Variants in MTHFD1L observed in about 807,000 individuals in gnomAD.
MTHFD1L encodes monofunctional C1-tetrahydrofolate synthase, mitochondrial.
A neutral mutation model predicts 119.5 loss-of-function variants in MTHFD1L; 81 were observed. That is an observed-to-expected ratio of 0.68 (90% CI 0.57 to 0.82). MTHFD1L has a LOEUF of 0.82. Among genes scored for constraint, MTHFD1L ranks in the 40% least tolerant of loss-of-function variants. The pLI, the probability that MTHFD1L is intolerant of heterozygous loss-of-function variation, is 0.00. For synonymous variants in MTHFD1L, 430 were observed against 475.2 expected, an observed-to-expected ratio of 0.90 and a Z score of 1.24; for missense variants, 1,125 against 1,253.4, an observed-to-expected ratio of 0.90 and a Z score of 1.55.
At chr6:151,097,500 G>A (rs893609284) in intron 27 of MTHFD1L, among the ~76,000 whole-genome samples, 3 of 152,102 alleles carry the variant, frequency 2.0e-5, no homozygotes, top group Non-Finnish European at 4.4e-5. Flanking sequence ...AGCTGGGCAC[G>A]GAAAGACTAA....
At position 150,926,180 on chromosome 6, in the gene MTHFD1L, A is replaced by T. The variant is rs775785100; in HGVS notation, c.1141A>T (p.Ile381Phe). ...PKAVDVLAKE[I>F]GLLADEIEIY... ...AGCTGTGGATGTCCTTGCCAAGGAG[A>T]TTGGATTGCTTGCAGATGAAATTGA... Residue 381 changes from isoleucine to phenylalanine, a missense_variant, in exon 11 of 28, where the codon ATT becomes TTT. Transcript: ENST00000367321. The surrounding 1 kb of genome is among the most constrained non-coding windows in gnomAD (Gnocchi z 4.3). 2.2e-5 allele frequency: 35 copies of T among 1,613,970 alleles called. No individual in the cohort carries two copies. The highest frequency in any genetic ancestry group is 1.3e-4 in the South Asian group (12 of 91,082).
chr6:150,922,083 GCTTATTGTGCGACTCGAT>G, intron 9 of MTHFD1L, 104 bp from the exon 10 acceptor site: 1 of 711,404 alleles, frequency 1.4e-6, no homozygotes, highest in South Asian at 1.9e-5. Flanking sequence ...TATCCTCCTG[GCTTATTGTGCGACTCGAT>G]AATCTTGTTT....
chr6:150,902,139 A>G (rs1416914877), intron 7 of MTHFD1L, among the ~76,000 whole-genome samples: 1 of 152,210 alleles, frequency 6.6e-6, no homozygotes, highest in African/African-American at 2.4e-5. Context: ...TATTTGCTAA[A>G]TACAAAATTA....
chr6:150,889,369 G>A (rs113116051), intron 7 of MTHFD1L, among the ~76,000 whole-genome samples: 26 of 152,246 alleles, frequency 1.7e-4, no homozygotes, highest in African/African-American at 4.1e-4. Flanking sequence ...AGAGGTTGGC[G>A]TTGGAAGGAT....
chr6:150,882,134 G>A lies in MTHFD1L; in HGVS notation c.418-628G>A, dbSNP rs546190129. ...TATTAGCTTCCCAAAATGTAGCTTGGTCTTTTTCCTAAATAGTGAATTATT... is the reference window on the plus strand; with the variant it reads ...TATTAGCTTCCCAAAATGTAGCTTGATCTTTTTCCTAAATAGTGAATTATT... On this transcript the variant is annotated intron_variant, in intron 4 of 27. Coordinates refer to ENST00000367321, the MANE Select transcript of MTHFD1L (RefSeq NM_015440.5). Among the ~76,000 whole-genome samples, 4 of 152,286 alleles carry A rather than the reference G, an allele frequency of 2.6e-5. 1 individual carries two copies. The East Asian group carries it at 7.7e-4, about 29-fold the overall frequency.
At chr6:151,036,597 G>A (rs767277910) in intron 25 of MTHFD1L, among the ~76,000 whole-genome samples, 13 of 152,206 alleles carry the variant, frequency 8.5e-5, no homozygotes, top group East Asian at 1.9e-4. Context: ...TCGTCGCAGA[G>A]CCTTTCTCCA....
chr6:151,091,782 G>T (rs892236209), intron 26 of MTHFD1L, among the ~76,000 whole-genome samples: 4 of 152,116 alleles, frequency 2.6e-5, no homozygotes, highest in African/African-American at 9.7e-5. Context: ...GAGATTATAG[G>T]CCTAAAGTCA....
intron 1 of MTHFD1L, chr6:150,866,629 G>A: frequency 8.3e-7 from 1 of 1,210,388 alleles, no homozygotes; most frequent in Non-Finnish European, 1.0e-6. Flanking sequence ...TTCCCGGAAC[G>A]GCAAAGGTGG....
At chr6:151,046,326 AAAGAT>A (rs1787998178) in intron 26 of MTHFD1L, among the ~76,000 whole-genome samples, 1 of 151,800 alleles carries the variant, frequency 6.6e-6, no homozygotes, top group Non-Finnish European at 1.5e-5. Flanking sequence ...GAAAAAAAGA[AAAGAT>A]AAAAGATGCT....
chr6:151,054,086 A>G (rs1419407718), intron 26 of MTHFD1L, among the ~76,000 whole-genome samples: 1 of 152,132 alleles, frequency 6.6e-6, no homozygotes, highest in Non-Finnish European at 1.5e-5. Context: ...AGGGAGAGAG[A>G]AGAGAGACAC....
intron 17 of MTHFD1L, 53 bp from the exon 18 acceptor site, chr6:150,960,222 G>A: frequency 6.5e-7 from 1 of 1,550,102 alleles, no homozygotes. Context: ...TTGTGGGAAT[G>A]GCCATCCCAC....
At chr6:151,069,479 T>C (rs1351766417) in intron 26 of MTHFD1L, among the ~76,000 whole-genome samples, 3 of 152,068 alleles carry the variant, frequency 2.0e-5, no homozygotes, top group Non-Finnish European at 4.4e-5. Context: ...TCTTCACCCC[T>C]CCTTACCCTT....
At chr6:150,945,633 A>C (rs1457840887) in intron 15 of MTHFD1L, 92 bp downstream of exon 15, 4 of 1,314,356 alleles carry the variant, frequency 3.0e-6, no homozygotes, top group Non-Finnish European at 3.3e-6. Flanking sequence ...ACTTGGTTTG[A>C]TTTTGGTTTT....
intron 26 of MTHFD1L, among the ~76,000 whole-genome samples, chr6:151,062,596 C>T (rs1338253051): frequency 6.6e-6 from 1 of 152,144 alleles, no homozygotes; most frequent in Non-Finnish European, 1.5e-5. Context: ...AGATGAAGAA[C>T]ACATCTTATA....
At chr6:151,096,439 T>C (rs952991672) in intron 27 of MTHFD1L, among the ~76,000 whole-genome samples, 1 of 152,146 alleles carries the variant, frequency 6.6e-6, no homozygotes, top group African/African-American at 2.4e-5. Flanking sequence ...ATAAAACCAC[T>C]ATACAAAGCA....
intron 26 of MTHFD1L, among the ~76,000 whole-genome samples, chr6:151,043,235 T>C (rs1368029174): frequency 6.6e-6 from 1 of 151,278 alleles, no homozygotes; most frequent in East Asian, 1.9e-4. Flanking sequence ...ATAATTGACT[T>C]CTTTCTTCTC....
chr6:151,064,148 G>A (rs1039819993), intron 26 of MTHFD1L, among the ~76,000 whole-genome samples: 3 of 151,796 alleles, frequency 2.0e-5, no homozygotes, highest in South Asian at 2.1e-4. Context: ...AATGAAAATC[G>A]GCCAATACTT....
At chr6:150,867,608 C>A (rs544865129) in intron 1 of MTHFD1L, among the ~76,000 whole-genome samples, 1 of 152,310 alleles carries the variant, frequency 6.6e-6, no homozygotes, top group African/African-American at 2.4e-5. Context: ...CCTGAAACTT[C>A]CTTCTTTGCT....
chr6:151,023,373 T>G (rs1215666993), intron 24 of MTHFD1L, among the ~76,000 whole-genome samples: 5 of 152,070 alleles, frequency 3.3e-5, no homozygotes, highest in Non-Finnish European at 7.4e-5. Context: ...TGACCAGACC[T>G]TCTGCAAACA....
Sources: gnomAD v4.1 joint callset for allele counts (sites outside exome capture counted in the v4.1 genomes callset) on GRCh38, gnomAD v4.1.1 for gene constraint, Gnocchi (gnomAD v3.1) non-coding constraint, MANE v1.5 for transcripts, NCBI Gene and HGNC (gene_info 2026-07-23, HGNC 2026-07-21) for gene names.